Variants in RC3H1 observed in about 807,000 individuals in gnomAD.
The protein encoded by RC3H1 is roquin-1.
In RC3H1, 50 loss-of-function variants were observed where a neutral mutation model predicts 138.2. That is an observed-to-expected ratio of 0.36 (90% CI 0.29 to 0.46). The LOEUF (loss-of-function observed/expected upper bound fraction) is 0.46. RC3H1 is among the 20% of genes least tolerant of loss of function. The pLI is 1.00. For synonymous variants in RC3H1, 462 were observed against 489.1 expected, an observed-to-expected ratio of 0.94 and a Z score of 0.73; for missense variants, 1,031 against 1,388.1, an observed-to-expected ratio of 0.74 and a Z score of 4.09.
intron 1 of RC3H1, among the ~76,000 whole-genome samples, chr1:174,021,680 T>A (rs1419620302): frequency 6.6e-6 from 1 of 152,038 alleles, no homozygotes; most frequent in Non-Finnish European, 1.5e-5. Context: ...AGGCGGCGCC[T>A]GTTTACAGAC....
chr1:173,993,412 C>CT (rs35670849), intron 1 of RC3H1, among the ~76,000 whole-genome samples: 234 of 143,512 alleles, frequency 1.6e-3, no homozygotes, highest in Middle Eastern at 7.2e-3. Flanking sequence ...TTATCTAAGT[C>CT]TTTTTTTTTT....
At chr1:173,947,266 C>A in intron 15 of RC3H1, 103 bp downstream of exon 15, 1 of 780,514 alleles carries the variant, frequency 1.3e-6, no homozygotes, top group Non-Finnish European at 2.1e-6. Flanking sequence ...AAATTACTGC[C>A]TTGCAAGATT....
chr1:173,949,407 T>C (rs954895763), intron 14 of RC3H1, among the ~76,000 whole-genome samples: 1 of 151,878 alleles, frequency 6.6e-6, no homozygotes, highest in Admixed American at 6.6e-5. Context: ...CTCACTCTGT[T>C]GTCTAGGCTG....
At chr1:174,001,681 A>G (rs1341224019) in intron 1 of RC3H1, among the ~76,000 whole-genome samples, 1 of 152,162 alleles carries the variant, frequency 6.6e-6, no homozygotes, top group Non-Finnish European at 1.5e-5. Context: ...GATCAGCCTC[A>G]GCCTCCCAAA....
chr1:174,001,006 T>C (rs758397126), intron 1 of RC3H1, among the ~76,000 whole-genome samples: 15 of 152,170 alleles, frequency 9.9e-5, no homozygotes, highest in Non-Finnish European at 1.8e-4. Flanking sequence ...ATGTAAATAA[T>C]TTAATATGAT....
intron 4 of RC3H1, 155 bp from the exon 5 acceptor site, chr1:173,983,057 G>A: frequency 5.3e-6 from 3 of 569,178 alleles, no homozygotes; most frequent in Non-Finnish European, 8.8e-6. Flanking sequence ...CCATTTTTGT[G>A]AGCAATTTTG....
rs543817603 is a variant in RC3H1 at position 173,974,261 on chromosome 1, T to C, written c.1103-1634A>G. On this transcript the variant is annotated intron_variant, in intron 7 of 19. Coordinates refer to ENST00000367696, the MANE Select transcript of RC3H1 (RefSeq NM_172071.4). ...CACCACTGCACTCCAGCCTGGTCAATAGAGGGAGACTGTCTCAAAAAAAAA... is the reference window on the plus strand; with the variant it reads ...CACCACTGCACTCCAGCCTGGTCAACAGAGGGAGACTGTCTCAAAAAAAAA... Among the ~76,000 whole-genome samples the C allele has an allele frequency of 1.2e-4, 12 of 102,878 alleles. No individual in the cohort carries two copies. The South Asian group carries it at 3.5e-3, about 30-fold the overall frequency. 67.5% of individuals were successfully genotyped at this position (102,878 alleles called of 152,430 possible). A position where few individuals can be genotyped will look rare whatever the true frequency, so the allele number is the denominator to read the frequency against.
At chr1:173,983,687 G>C (rs756803281) in intron 3 of RC3H1, 30 bp from the exon 4 acceptor site, 8 of 1,607,180 alleles carry the variant, frequency 5.0e-6, no homozygotes, top group Non-Finnish European at 6.8e-6. Context: ...TTATTCCTAG[G>C]TTCACAATGC....
At position 173,932,017 on chromosome 1, in the gene RC3H1, CT is replaced by C. The variant is rs1447636663; in HGVS notation, c.*6703del. 1 of 152,016 alleles carries C rather than the reference CT, an allele frequency of 6.6e-6. No individual in the cohort carries two copies. The highest frequency in any genetic ancestry group is 1.5e-5 in the Non-Finnish European group (1 of 67,986). The allele number at this position is 152,016 out of a possible 1,614,324, so 9.4% of individuals were successfully genotyped here. A position where few individuals can be genotyped will look rare whatever the true frequency, so the allele number is the denominator to read the frequency against. ...ACTTTAAAAAATGGTAAGTCTACCA[CT>C]GATTTATAAGAGCAGGAGTATAAAT... is the stretch of plus-strand genomic sequence containing the variant. On this transcript the variant is annotated 3_prime_UTR_variant, in exon 20 of 20. Coordinates refer to ENST00000367696, the MANE Select transcript of RC3H1 (RefSeq NM_172071.4).
chr1:173,955,199 C>T (rs1659579609), intron 13 of RC3H1, among the ~76,000 whole-genome samples: 2 of 141,486 alleles, frequency 1.4e-5, no homozygotes, highest in Admixed American at 1.4e-4. Flanking sequence ...GCACTCCAGC[C>T]CAGACGACAG....
In RC3H1 at chr1:173,993,545, C is replaced by T. The variant is rs533134155; in HGVS notation, c.-150-410G>A. Among the ~76,000 whole-genome samples the T allele has an allele frequency of 1.2e-3, 184 of 151,770 alleles. 1 individual carries two copies. Among genetic ancestry groups the T allele is most frequent in the African/African-American group, 4.3e-3 (179 of 41,464 alleles). On this transcript the variant is annotated intron_variant, in intron 1 of 19. Transcript: ENST00000367696. ...AGTAGCTGAGATTACAGGCATGCAC[C>T]ACCACACCTGACTAATTTTGTATTT...
chr1:173,983,678 T>A (rs1490607506), intron 3 of RC3H1, 21 bp from the exon 4 acceptor site: 1 of 1,609,642 alleles, frequency 6.2e-7, no homozygotes, highest in East Asian at 2.2e-5. Context: ...GTAAAGAAGT[T>A]ATTCCTAGGT....
At chr1:173,982,111 G>A (rs577292533) in intron 5 of RC3H1, among the ~76,000 whole-genome samples, 3 of 152,310 alleles carry the variant, frequency 2.0e-5, no homozygotes, top group East Asian at 1.9e-4. Context: ...TGGGCGCGGT[G>A]GCTCACGCTT....
chr1:174,008,904 G>A (rs1346950346), intron 1 of RC3H1, among the ~76,000 whole-genome samples: 1 of 150,542 alleles, frequency 6.6e-6, no homozygotes, highest in African/African-American at 2.5e-5. Context: ...TCAAACCCAG[G>A]AGGCGGAGGT....
chr1:173,987,647 G>A, intron 2 of RC3H1, among the ~76,000 whole-genome samples: 1 of 152,148 alleles, frequency 6.6e-6, no homozygotes, highest in East Asian at 1.9e-4. Flanking sequence ...TGAATGCTAT[G>A]TATGCACATT....
intron 1 of RC3H1, among the ~76,000 whole-genome samples, chr1:174,021,496 T>TG: frequency 6.6e-6 from 1 of 152,190 alleles, no homozygotes; most frequent in East Asian, 1.9e-4. Context: ...TTTTGTTTTT[T>TG]TTTTTTAAAG....
At chr1:173,978,704 G>A (rs1364020352) in intron 6 of RC3H1, 84 bp from the exon 7 acceptor site, 18 of 1,390,112 alleles carry the variant, frequency 1.3e-5, no homozygotes, top group Non-Finnish European at 1.5e-5. Flanking sequence ...TCATTTTTGC[G>A]ATTTATTAAA....
At chr1:173,997,199 T>C (rs1270328413) in intron 1 of RC3H1, among the ~76,000 whole-genome samples, 2 of 152,130 alleles carry the variant, frequency 1.3e-5, no homozygotes, top group Non-Finnish European at 2.9e-5. Flanking sequence ...CACTCCAGCC[T>C]GGGCAACGGA....
chr1:174,013,598 C>T (rs957305617), intron 1 of RC3H1, among the ~76,000 whole-genome samples: 3 of 151,940 alleles, frequency 2.0e-5, no homozygotes, highest in South Asian at 2.1e-4. Context: ...CACACCACCA[C>T]GTGTGGCTAA....
Sources: gnomAD v4.1 joint callset for allele counts (sites outside exome capture counted in the v4.1 genomes callset) on GRCh38, gnomAD v4.1.1 for gene constraint, MANE v1.5 for transcripts, NCBI Gene and HGNC (gene_info 2026-07-23, HGNC 2026-07-21) for gene names.